NPAS3: variants seen among roughly 807,000 people sequenced by gnomAD.
NPAS3 encodes neuronal PAS domain protein 3, also known as neuronal PAS domain-containing protein 3.
Under a neutral mutation model 73.1 loss-of-function variants are expected in NPAS3, and 14 were observed. The observed-to-expected ratio is 0.19, with a 90% CI of 0.13 to 0.30. NPAS3 has a LOEUF of 0.30. Among genes scored for constraint, NPAS3 ranks in the 10% least tolerant of loss-of-function variants. NPAS3 has a pLI of 1.00. For synonymous variants in NPAS3, 620 were observed against 541.5 expected (o/e 1.14, Z -2.01); for missense variants, 1,096 against 1,250.0 (o/e 0.88, Z 1.86).
intron 5 of NPAS3, among the ~76,000 whole-genome samples, chr14:33,662,445 T>G (rs1487093593): frequency 2.6e-5 from 4 of 152,196 alleles, no homozygotes; most frequent in African/African-American, 9.7e-5. Flanking sequence ...AAAATGTGGT[T>G]CCACATGAAA....
At chr14:33,289,473 G>A (rs1454182476) in intron 3 of NPAS3, among the ~76,000 whole-genome samples, 1 of 152,122 alleles carries the variant, frequency 6.6e-6, no homozygotes, top group Non-Finnish European at 1.5e-5. Flanking sequence ...AAACCTGAAT[G>A]ATGGCTTTAG....
At chr14:33,086,049 T>C (rs1422160462) in intron 2 of NPAS3, among the ~76,000 whole-genome samples, 2 of 152,182 alleles carry the variant, frequency 1.3e-5, no homozygotes, top group Non-Finnish European at 2.9e-5. Context: ...TACAAGGTTA[T>C]TATACTTTCT....
At chr14:33,631,635 A>G (rs1348364123) in intron 5 of NPAS3, among the ~76,000 whole-genome samples, 1 of 152,330 alleles carries the variant, frequency 6.6e-6, no homozygotes, top group Admixed American at 6.5e-5. Context: ...GGAGATTGAT[A>G]TAGACTCTCT....
chr14:33,058,258 T>C (rs567720181), intron 2 of NPAS3, among the ~76,000 whole-genome samples: 7 of 152,300 alleles, frequency 4.6e-5, no homozygotes, highest in African/African-American at 1.4e-4. Flanking sequence ...AGTAAAGGGC[T>C]ACACTTTTAT....
intron 5 of NPAS3, among the ~76,000 whole-genome samples, chr14:33,611,819 A>G (rs888264245): frequency 6.6e-6 from 1 of 152,206 alleles, no homozygotes; most frequent in South Asian, 2.1e-4. Flanking sequence ...TGATTATCTT[A>G]CTTTTTTGTG....
At chr14:33,652,163 A>T (rs1327150960) in intron 5 of NPAS3, among the ~76,000 whole-genome samples, 1 of 152,186 alleles carries the variant, frequency 6.6e-6, no homozygotes, top group African/African-American at 2.4e-5. Flanking sequence ...AGTCACTGTG[A>T]ATATTTGTAT....
chr14:33,106,851 G>T (rs1224599732), intron 2 of NPAS3, among the ~76,000 whole-genome samples: 1 of 152,132 alleles, frequency 6.6e-6, no homozygotes, highest in Non-Finnish European at 1.5e-5. Context: ...AATGCTGCTA[G>T]ACAGATGGAT....
chr14:33,178,970 G>A (rs549013056), intron 2 of NPAS3, among the ~76,000 whole-genome samples: 2 of 151,848 alleles, frequency 1.3e-5, no homozygotes, highest in Non-Finnish European at 2.9e-5. Context: ...GTCTTTTTTC[G>A]TGTTGTAGAA....
chr14:33,190,295 AG>A (rs2046122737), intron 2 of NPAS3, among the ~76,000 whole-genome samples: 1 of 152,234 alleles, frequency 6.6e-6, no homozygotes, highest in South Asian at 2.1e-4. Flanking sequence ...AGTATCAAGA[AG>A]ATGACTTTAT....
intron 1 of NPAS3, among the ~76,000 whole-genome samples, chr14:33,005,366 G>A (rs2038965403): frequency 6.6e-6 from 1 of 152,138 alleles, no homozygotes; most frequent in South Asian, 2.1e-4. Context: ...GAAAATGTCA[G>A]TGGCACATGA....
Position 33,776,122 on chromosome 14 carries a change from C to G in NPAS3, c.1046+1592C>G, listed in dbSNP as rs150698929. Among the ~76,000 whole-genome samples the G allele has an allele frequency of 1.7e-3, 260 of 152,278 alleles. 2 individuals carry two copies. The highest frequency in any genetic ancestry group is 5.7e-3 in the African/African-American group (238 of 41,556). On this transcript the variant is annotated intron_variant, in intron 8 of 11. Transcript: ENST00000356141. ...GGCAAATGACCAGAAAGAATAACCTCTGAGGGGGACTTTTCATACATATGT... is the reference window on the plus strand; with the variant it reads ...GGCAAATGACCAGAAAGAATAACCTGTGAGGGGGACTTTTCATACATATGT...
At chr14:33,685,770 A>G (rs1275796669) in intron 6 of NPAS3, among the ~76,000 whole-genome samples, 1 of 152,142 alleles carries the variant, frequency 6.6e-6, no homozygotes, top group African/African-American at 2.4e-5. Context: ...CTTTTCCTCT[A>G]TGTTCCAGCT....
chr14:33,037,495 G>A (rs960758148), intron 1 of NPAS3, among the ~76,000 whole-genome samples: 1 of 148,258 alleles, frequency 6.7e-6, no homozygotes, highest in Admixed American at 6.7e-5. Context: ...AAAAAAAAAA[G>A]AAAAAAGAAA....
chr14:33,671,192 A>C (rs1281793469), intron 5 of NPAS3, among the ~76,000 whole-genome samples: 2 of 152,166 alleles, frequency 1.3e-5, no homozygotes, highest in East Asian at 3.9e-4. Flanking sequence ...ACTGAATTCA[A>C]TGAGTTGCAC....
chr14:33,558,688 A>G (rs1280310706), intron 4 of NPAS3, among the ~76,000 whole-genome samples: 2 of 151,922 alleles, frequency 1.3e-5, no homozygotes, highest in Non-Finnish European at 2.9e-5. Context: ...TCAGTATTTT[A>G]GGAGACTGAA....
chr14:33,717,467 A>G (rs2060989102), intron 6 of NPAS3, among the ~76,000 whole-genome samples: 1 of 152,090 alleles, frequency 6.6e-6, no homozygotes, highest in Admixed American at 6.6e-5. Context: ...GCAAGCAACA[A>G]CCCCGTAAAC....
chr14:33,741,582 T>C (rs947134070), intron 7 of NPAS3, among the ~76,000 whole-genome samples: 3 of 152,216 alleles, frequency 2.0e-5, no homozygotes, highest in Non-Finnish European at 2.9e-5. Flanking sequence ...TCATTTTAAA[T>C]ACAGCCGGCA....
chr14:33,422,745 T>A (rs2048407491), intron 4 of NPAS3, among the ~76,000 whole-genome samples: 1 of 151,928 alleles, frequency 6.6e-6, no homozygotes, highest in Admixed American at 6.6e-5. Context: ...TCTACTGTTA[T>A]CTAAGCAATT....
At chr14:32,984,204 T>A (rs2038011166) in intron 1 of NPAS3, among the ~76,000 whole-genome samples, 1 of 152,180 alleles carries the variant, frequency 6.6e-6, no homozygotes, top group African/African-American at 2.4e-5. Context: ...AGTGCCTCAA[T>A]CTTATTTTGT....
Sources: allele counts gnomAD v4.1 joint callset (sites outside exome capture counted in the v4.1 genomes callset), GRCh38; gene constraint gnomAD v4.1.1; transcripts MANE v1.5; gene names NCBI Gene and HGNC (gene_info 2026-07-23, HGNC 2026-07-21).